The following PKD2 variants were observed in gnomAD, a reference collection of about 807,000 sequenced individuals.
The protein encoded by PKD2 is polycystin 2, transient receptor potential cation channel.
PKD2 carries 48 observed loss-of-function variants against 105.9 expected under a neutral mutation model. That is an observed-to-expected ratio of 0.45 (90% CI 0.36 to 0.58). The LOEUF is 0.58. PKD2 is among the 20% of genes least tolerant of loss of function. The probability of loss-of-function intolerance (pLI) is 0.00; values close to 1 mark genes in which losing one functional copy is unlikely to be tolerated. For synonymous variants in PKD2, 464 were observed against 481.1 expected (o/e 0.96, Z 0.46); for missense variants, 1,078 against 1,255.3 (o/e 0.86, Z 2.13).
At chr4:88,042,388 C>T (rs1727599146) in intron 4 of PKD2, among the ~76,000 whole-genome samples, 1 of 152,168 alleles carries the variant, frequency 6.6e-6, no homozygotes, top group African/African-American at 2.4e-5. Flanking sequence ...AGACCTGCCC[C>T]CATGATTCAA....
chr4:88,015,767 G>C (rs1726539698), intron 1 of PKD2, among the ~76,000 whole-genome samples: 1 of 152,178 alleles, frequency 6.6e-6, no homozygotes, highest in Non-Finnish European at 1.5e-5. Flanking sequence ...TTGGGGAAAT[G>C]GCATTTTTGT....
At chr4:88,022,693 C>G (rs902619195) in intron 2 of PKD2, among the ~76,000 whole-genome samples, 13 of 152,248 alleles carry the variant, frequency 8.5e-5, no homozygotes, top group African/African-American at 3.1e-4. Flanking sequence ...AAACTCATTA[C>G]TCTGTATGTA....
chr4:88,026,247 C>A (rs1240821739), intron 2 of PKD2, among the ~76,000 whole-genome samples: 2 of 152,142 alleles, frequency 1.3e-5, no homozygotes. Context: ...GAAGTCCAGG[C>A]TGAGATGGTC....
chr4:88,011,528 C>T (rs1334674895), intron 1 of PKD2, among the ~76,000 whole-genome samples: 2 of 151,996 alleles, frequency 1.3e-5, no homozygotes, highest in African/African-American at 2.4e-5. Flanking sequence ...ACTCTTATTT[C>T]TCCTAAAATA....
chr4:88,070,724 T>G (rs1721002243), intron 13 of PKD2, among the ~76,000 whole-genome samples: 2 of 150,978 alleles, frequency 1.3e-5, no homozygotes, highest in African/African-American at 4.9e-5. Context: ...CCTGAACACC[T>G]GGGCTCAAAT....
chr4:88,023,204 T>C (rs1417705131), intron 2 of PKD2, among the ~76,000 whole-genome samples: 1 of 152,240 alleles, frequency 6.6e-6, no homozygotes, highest in Non-Finnish European at 1.5e-5. Flanking sequence ...AGCTCCAGCA[T>C]CTGCTTCTGG....
intron 1 of PKD2, among the ~76,000 whole-genome samples, chr4:88,014,757 G>GT (rs1248472592): frequency 2.9e-4 from 44 of 152,326 alleles, no homozygotes; most frequent in African/African-American, 1.1e-3. Flanking sequence ...ATGGATTTGA[G>GT]TCTTTATACC....
intron 4 of PKD2, 41 bp from the exon 5 acceptor site, chr4:88,043,192 C>A: frequency 1.6e-6 from 2 of 1,277,948 alleles, no homozygotes; most frequent in Non-Finnish European, 2.3e-6. Context: ...AAGTGTTCCA[C>A]TGATTGTAAC....
intron 1 of PKD2, among the ~76,000 whole-genome samples, chr4:88,017,984 T>A (rs140077526): frequency 3.0e-4 from 46 of 152,362 alleles, no homozygotes; most frequent in African/African-American, 9.1e-4. Flanking sequence ...CCGAGCCTAA[T>A]CTTTGGCTGC....
intron 12 of PKD2, among the ~76,000 whole-genome samples, chr4:88,066,751 G>GA (rs143598127): frequency 6.6e-6 from 1 of 151,124 alleles, no homozygotes; most frequent in Admixed American, 6.6e-5. Flanking sequence ...TTTATAGTCA[G>GA]AAAAAAAAAT....
intron 13 of PKD2, among the ~76,000 whole-genome samples, chr4:88,068,347 G>A (rs1720872668): frequency 1.3e-5 from 2 of 152,032 alleles, no homozygotes; most frequent in Admixed American, 6.6e-5. Context: ...GTGGGCACCT[G>A]TAATCCTAGC....
intron 12 of PKD2, among the ~76,000 whole-genome samples, chr4:88,066,341 T>C (rs1481543368): frequency 6.6e-6 from 1 of 151,268 alleles, no homozygotes; most frequent in African/African-American, 2.4e-5. Flanking sequence ...TTAGTGGCTA[T>C]TTAAATTGTT....
intron 13 of PKD2, among the ~76,000 whole-genome samples, chr4:88,073,201 A>AC (rs1394842511): frequency 6.6e-6 from 1 of 151,222 alleles, no homozygotes; most frequent in African/African-American, 2.4e-5. Flanking sequence ...AAAAAAAAAA[A>AC]AAAAAGGTGT....
At chr4:88,061,619 T>C (rs1370027430) in intron 9 of PKD2, among the ~76,000 whole-genome samples, 1 of 152,004 alleles carries the variant, frequency 6.6e-6, no homozygotes, top group African/African-American at 2.4e-5. Context: ...ATGCCTGTAA[T>C]CCCAGCTACT....
chr4:88,060,956 A>C (rs1365804543), intron 9 of PKD2, among the ~76,000 whole-genome samples: 1 of 152,218 alleles, frequency 6.6e-6, no homozygotes, highest in Non-Finnish European at 1.5e-5. Context: ...TTAAAATTAG[A>C]CTTAGAAAAG....
intron 1 of PKD2, among the ~76,000 whole-genome samples, chr4:88,014,910 G>T (rs752714330): frequency 2.6e-5 from 4 of 152,130 alleles, no homozygotes; most frequent in Non-Finnish European, 5.9e-5. Flanking sequence ...CCCACAAAAA[G>T]GTACTCTTAC....
chr4:88,023,476 G>A (rs1256943038), intron 2 of PKD2, among the ~76,000 whole-genome samples: 1 of 152,224 alleles, frequency 6.6e-6, no homozygotes, highest in Non-Finnish European at 1.5e-5. Flanking sequence ...GTTTCAACAT[G>A]AGATTTGGAT....
chr4:88,036,980 G>A (rs1727356482), intron 3 of PKD2, among the ~76,000 whole-genome samples: 1 of 152,164 alleles, frequency 6.6e-6, no homozygotes, highest in African/African-American at 2.4e-5. Context: ...TGTAATCCCA[G>A]CACTTTGGGA....
At chr4:88,008,857 AT>A (rs1413371032) in intron 1 of PKD2, among the ~76,000 whole-genome samples, 1 of 152,078 alleles carries the variant, frequency 6.6e-6, no homozygotes, top group Admixed American at 6.5e-5. Context: ...TCATTGGTGC[AT>A]TTTTTTGGTG....
Sources: allele counts gnomAD v4.1 joint callset (sites outside exome capture counted in the v4.1 genomes callset), GRCh38; gene constraint gnomAD v4.1.1; transcripts MANE v1.5; gene names NCBI Gene and HGNC (gene_info 2026-07-23, HGNC 2026-07-21).